TENT5D: variants seen among roughly 807,000 people sequenced by gnomAD.
TENT5D encodes the protein terminal nucleotidyltransferase 5D, also known as cancer/testis antigen 112.
For missense variants in TENT5D, 191 were observed against 287.0 expected (o/e 0.67, Z 2.42); for synonymous variants, 103 against 100.6 (o/e 1.02, Z -0.15).
intron 3 of TENT5D, among the ~76,000 whole-genome samples, chrX:80,412,180 G>A (rs182693484): frequency 7.1e-5 from 8 of 112,781 alleles, no homozygotes; most frequent in South Asian, 3.6e-4. Flanking sequence ...CGAGCTGTAC[G>A]TTGGCCCCTT....
In TENT5D at chrX:80,369,527, A is replaced by G. The variant is rs73630382; in HGVS notation, c.-142+26963A>G. On this transcript the variant is annotated intron_variant, in intron 3 of 4. Coordinates refer to the TENT5D transcript ENST00000538312. Reference sequence around the variant, plus strand: ...ATTTAGAAGGAAACTTTATATGTCAATTGGTAAGTTCCAAAGAAAAACAGG... The same window carrying G: ...ATTTAGAAGGAAACTTTATATGTCAGTTGGTAAGTTCCAAAGAAAAACAGG... 4.3e-3 allele frequency among the ~76,000 whole-genome samples: 481 copies of G among 112,180 alleles called. 2 individuals are homozygous for G. The highest frequency in any genetic ancestry group is 0.015 in the African/African-American group (449 of 30,965).
At chrX:80,384,062 T>A (rs1482956818) in intron 3 of TENT5D, among the ~76,000 whole-genome samples, 1 of 108,930 alleles carries the variant, frequency 9.2e-6, no homozygotes, top group African/African-American at 3.3e-5. Context: ...GAATCCTCCC[T>A]AACTCATTTT....
intron 3 of TENT5D, among the ~76,000 whole-genome samples, chrX:80,350,980 T>C (rs1231793413): frequency 1.8e-5 from 2 of 112,008 alleles, no homozygotes; most frequent in Admixed American, 9.5e-5. Context: ...CTCCATTCTC[T>C]TCTAGTTTGT....
At chrX:80,385,261 A>G (rs1332096498) in intron 3 of TENT5D, among the ~76,000 whole-genome samples, 2 of 111,225 alleles carry the variant, frequency 1.8e-5, no homozygotes, top group Non-Finnish European at 3.8e-5. Flanking sequence ...CCTCAGAAAT[A>G]ATACCACACA....
intron 3 of TENT5D, among the ~76,000 whole-genome samples, chrX:80,409,200 G>A (rs762474870): frequency 9.0e-6 from 1 of 110,952 alleles, no homozygotes; most frequent in Non-Finnish European, 1.9e-5. Context: ...AGACAGGGAT[G>A]CCCTCTCTCA....
At position 80,443,673 on chromosome X, in the gene TENT5D, C is replaced by T. The variant is rs760549896; in HGVS notation, c.1134C>T (p.His378=). ...CCCCCGTTAGCTTCCAGCCATACCA[C>T]CCACTGCACTTTCGTGGATCAAATG... Residue 378 remains histidine (H), a synonymous_variant, in exon 3 of 3, where the codon CAC becomes CAT. Coordinates refer to ENST00000308293, the Ensembl canonical transcript of TENT5D. 5 of 1,196,287 alleles carry T rather than the reference C, an allele frequency of 4.2e-6. No homozygotes were observed. In the Admixed American group the frequency reaches 1.1e-4, roughly 27 times the overall value.
intron 1 of TENT5D, among the ~76,000 whole-genome samples, chrX:80,427,872 T>C (rs1353429306): frequency 8.9e-6 from 1 of 112,114 alleles, no homozygotes; most frequent in East Asian, 2.8e-4. Flanking sequence ...CCAGAAGTTA[T>C]CCTAGGGCCT....
At chrX:80,358,071 T>A (rs1930325744) in intron 3 of TENT5D, among the ~76,000 whole-genome samples, 2 of 111,827 alleles carry the variant, frequency 1.8e-5, no homozygotes, top group Non-Finnish European at 3.8e-5. Context: ...GGGAAAGGAT[T>A]CCCTATTTAA....
intron 2 of TENT5D, among the ~76,000 whole-genome samples, chrX:80,342,150 T>A (rs1481677107): frequency 8.9e-6 from 1 of 111,845 alleles, no homozygotes; most frequent in African/African-American, 3.3e-5. Flanking sequence ...GAATTTATTT[T>A]AAAAAAAGGA....
At chrX:80,349,499 G>A (rs1186634927) in intron 3 of TENT5D, among the ~76,000 whole-genome samples, 2 of 110,826 alleles carry the variant, frequency 1.8e-5, no homozygotes, top group African/African-American at 3.3e-5. Context: ...GGGATCAATG[G>A]TGTTTCCCCT....
At chrX:80,361,753 A>G (rs1275506885) in intron 3 of TENT5D, among the ~76,000 whole-genome samples, 1 of 112,173 alleles carries the variant, frequency 8.9e-6, no homozygotes, top group Non-Finnish European at 1.9e-5. Flanking sequence ...CCTAATATAG[A>G]CACAGTTCTT....
chrX:80,373,559 C>T (rs1930668891), intron 3 of TENT5D, among the ~76,000 whole-genome samples: 1 of 111,225 alleles, frequency 9.0e-6, no homozygotes, highest in Admixed American at 9.6e-5. Flanking sequence ...TTGGAGTGAA[C>T]TCTGGAGAAT....
At chrX:80,405,569 G>T (rs1931470166) in intron 3 of TENT5D, among the ~76,000 whole-genome samples, 1 of 112,425 alleles carries the variant, frequency 8.9e-6, no homozygotes, top group Non-Finnish European at 1.9e-5. Context: ...GGCGCACCAC[G>T]AGATTATATC....
chrX:80,370,242 A>G (rs1240697155), intron 3 of TENT5D, among the ~76,000 whole-genome samples: 3 of 111,146 alleles, frequency 2.7e-5, no homozygotes, highest in African/African-American at 6.5e-5. Flanking sequence ...TGCCTGGCCC[A>G]CAAACCTTTA....
intron 1 of TENT5D, among the ~76,000 whole-genome samples, chrX:80,434,167 T>A (rs1397101521): frequency 4.5e-5 from 4 of 89,010 alleles, no homozygotes; most frequent in Non-Finnish European, 4.5e-5. Context: ...AAAAGGGAAA[T>A]GGAGCTAAGC....
chrX:80,393,637 C>A, intron 3 of TENT5D, among the ~76,000 whole-genome samples: 1 of 111,664 alleles, frequency 9.0e-6, no homozygotes, highest in Middle Eastern at 4.6e-3. Context: ...CTATGCAGTA[C>A]ATCTAAGAAT....
At chrX:80,395,980 TTAACA>T (rs773061150) in intron 3 of TENT5D, among the ~76,000 whole-genome samples, 11 of 108,819 alleles carry the variant, frequency 1.0e-4, no homozygotes, top group Admixed American at 1.0e-4. Context: ...CCTATTTTTC[TTAACA>T]TAACCTCCTC....
chrX:80,386,397 G>A (rs901702721), intron 3 of TENT5D, among the ~76,000 whole-genome samples: 3 of 110,008 alleles, frequency 2.7e-5, no homozygotes, highest in Non-Finnish European at 5.7e-5. Flanking sequence ...CACACACTGG[G>A]GCCTGTTGTG....
intron 3 of TENT5D, among the ~76,000 whole-genome samples, chrX:80,374,257 T>C (rs781199864): frequency 1.4e-4 from 16 of 111,364 alleles, no homozygotes. Flanking sequence ...TGGGCAGGCA[T>C]TTAGGTTGAT....
Sources: gnomAD v4.1 joint callset for allele counts (sites outside exome capture counted in the v4.1 genomes callset) on GRCh38, gnomAD v4.1.1 for gene constraint, MANE v1.5 for transcripts, NCBI Gene and HGNC (gene_info 2026-07-23, HGNC 2026-07-21) for gene names.